Variants in CHCHD6 observed in about 807,000 individuals in gnomAD.
The protein encoded by CHCHD6 is MICOS complex subunit MIC25.
A neutral mutation model predicts 32.3 loss-of-function variants in CHCHD6; 28 were observed. That is an observed-to-expected ratio of 0.87 (90% CI 0.64 to 1.19). CHCHD6 has a LOEUF of 1.19. Among genes scored for constraint, CHCHD6 ranks in the 50% most tolerant of loss-of-function variants. The pLI is 0.00. For missense variants in CHCHD6, 333 were observed against 307.0 expected (o/e 1.08, Z -0.63); for synonymous variants, 122 against 117.5 (o/e 1.04, Z -0.25).
At chr3:126,825,135 T>C (rs1940332830) in intron 4 of CHCHD6, among the ~76,000 whole-genome samples, 1 of 152,166 alleles carries the variant, frequency 6.6e-6, no homozygotes, top group Non-Finnish European at 1.5e-5. Flanking sequence ...CTCAAAATAT[T>C]TTCTAATCTA....
chr3:126,854,976 C>T (rs925257288), intron 5 of CHCHD6: 2 of 152,182 alleles, frequency 1.3e-5, no homozygotes, highest in Non-Finnish European at 2.9e-5. Flanking sequence ...AAAATCCAGA[C>T]TCATTTTCAA....
chr3:126,915,879 C>T (rs1022925020), intron 6 of CHCHD6, among the ~76,000 whole-genome samples: 1 of 152,146 alleles, frequency 6.6e-6, no homozygotes, highest in Non-Finnish European at 1.5e-5. Flanking sequence ...CAGCCTTGAC[C>T]TCCTGGGCTT....
chr3:126,757,742 C>T (rs991403726), intron 4 of CHCHD6, among the ~76,000 whole-genome samples: 5 of 152,172 alleles, frequency 3.3e-5, no homozygotes, highest in African/African-American at 1.2e-4. Flanking sequence ...TAAGAAAACA[C>T]AGCAGGGATT....
intron 4 of CHCHD6, among the ~76,000 whole-genome samples, chr3:126,812,488 A>G (rs147153361): frequency 0.018 from 2,733 of 151,072 alleles, 31 homozygotes; most frequent in Middle Eastern, 0.052. Flanking sequence ...CAGTGGCGCG[A>G]TCTCGGCTTA....
In CHCHD6 at chr3:126,725,983, G is replaced by A. The variant is rs546843386; in HGVS notation, c.88-1095G>A. 3.2e-4 allele frequency among the ~76,000 whole-genome samples: 49 copies of A among 152,284 alleles called. No homozygotes were observed. The South Asian group carries it at 6.2e-3, about 19-fold the overall frequency. On this transcript the variant is annotated intron_variant, in intron 1 of 7. Transcript: ENST00000290913. ...CTTTTTCCATATCAGCAGTGAGTCC[G>A]TTTCACTTTCTTACCATTCATGTGT...
intron 4 of CHCHD6, among the ~76,000 whole-genome samples, chr3:126,803,484 G>C (rs1474990291): frequency 1.3e-5 from 2 of 152,174 alleles, no homozygotes; most frequent in Non-Finnish European, 2.9e-5. Context: ...TTACATAGTG[G>C]TAAAGGGATC....
At chr3:126,762,481 T>C (rs1314237825) in intron 4 of CHCHD6, among the ~76,000 whole-genome samples, 1 of 152,206 alleles carries the variant, frequency 6.6e-6, no homozygotes, top group African/African-American at 2.4e-5. Flanking sequence ...TTCATTCCAT[T>C]GTGGTTGGAG....
intron 1 of CHCHD6, among the ~76,000 whole-genome samples, chr3:126,720,744 A>G (rs1464636253): frequency 6.6e-6 from 1 of 152,040 alleles, no homozygotes; most frequent in Non-Finnish European, 1.5e-5. Flanking sequence ...CCACCTATGG[A>G]GAAAGATGTT....
chr3:126,841,584 G>A (rs2107546958), intron 4 of CHCHD6, among the ~76,000 whole-genome samples: 1 of 152,158 alleles, frequency 6.6e-6, no homozygotes, highest in African/African-American at 2.4e-5. Flanking sequence ...CTTTCCATAA[G>A]CATGATCTAG....
chr3:126,949,344 C>T (rs1338088408), intron 6 of CHCHD6: 1 of 227,402 alleles, frequency 4.4e-6, no homozygotes, highest in East Asian at 1.8e-4. Flanking sequence ...AGGCGCCTGC[C>T]ATGGACGGAA....
At chr3:126,871,744 C>T (rs1192335019) in intron 5 of CHCHD6, among the ~76,000 whole-genome samples, 1 of 148,952 alleles carries the variant, frequency 6.7e-6, no homozygotes, top group African/African-American at 2.5e-5. Context: ...TGGCTCACTG[C>T]AACCTCCGCC....
intron 5 of CHCHD6, among the ~76,000 whole-genome samples, chr3:126,896,366 T>A (rs1217802025): frequency 6.6e-6 from 1 of 152,166 alleles, no homozygotes; most frequent in African/African-American, 2.4e-5. Flanking sequence ...AAATGAACTT[T>A]ATCTTAAAGA....
At chr3:126,836,410 G>C (rs1025066548) in intron 4 of CHCHD6, among the ~76,000 whole-genome samples, 1 of 152,102 alleles carries the variant, frequency 6.6e-6, no homozygotes, top group East Asian at 1.9e-4. Flanking sequence ...ACCTTCTCTG[G>C]TCATTCCCTA....
chr3:126,835,312 T>G (rs1940810603), intron 4 of CHCHD6, among the ~76,000 whole-genome samples: 2 of 152,304 alleles, frequency 1.3e-5, no homozygotes, highest in African/African-American at 4.8e-5. Context: ...GGCACCTGCC[T>G]GCCTGCCTGA....
At chr3:126,778,926 A>ATTTTTTTT (rs71150453) in intron 4 of CHCHD6, among the ~76,000 whole-genome samples, 1 of 133,162 alleles carries the variant, frequency 7.5e-6, no homozygotes. Flanking sequence ...GGCTCATTAA[A>ATTTTTTTT]TTTTTTTTTT....
At chr3:126,795,019 TCTC>T (rs1938727035) in intron 4 of CHCHD6, among the ~76,000 whole-genome samples, 1 of 152,182 alleles carries the variant, frequency 6.6e-6, no homozygotes, top group Non-Finnish European at 1.5e-5. Flanking sequence ...GTGAAAATAT[TCTC>T]CTAGACATTT....
At chr3:126,786,805 C>T (rs1289117829) in intron 4 of CHCHD6, among the ~76,000 whole-genome samples, 12 of 152,234 alleles carry the variant, frequency 7.9e-5, no homozygotes, top group African/African-American at 2.6e-4. Context: ...GTTTCTTTTG[C>T]TGTGCAGAAG....
intron 5 of CHCHD6, among the ~76,000 whole-genome samples, chr3:126,862,249 T>C (rs1421072390): frequency 8.6e-5 from 10 of 116,116 alleles, no homozygotes; most frequent in East Asian, 2.9e-4. Context: ...CACCACCTCC[T>C]CCTCCTCCTC....
intron 4 of CHCHD6, chr3:126,766,399 C>T (rs995209366): frequency 2.2e-5 from 12 of 544,506 alleles, no homozygotes; most frequent in African/African-American, 1.5e-4. Flanking sequence ...ACAGCTGCCA[C>T]GAGAGGTGTA....
Sources: allele counts gnomAD v4.1 joint callset (sites outside exome capture counted in the v4.1 genomes callset), GRCh38; gene constraint gnomAD v4.1.1; transcripts MANE v1.5; gene names NCBI Gene and HGNC (gene_info 2026-07-23, HGNC 2026-07-21).